Variants in DPF3 observed in about 807,000 individuals in gnomAD.
DPF3 encodes zinc finger protein DPF3.
In DPF3, 18 loss-of-function variants were observed where a neutral mutation model predicts 56.8. That is an observed-to-expected ratio of 0.32 (90% CI 0.22 to 0.47). The LOEUF (loss-of-function observed/expected upper bound fraction) is 0.47. Among genes scored for constraint, DPF3 ranks in the 20% least tolerant of loss-of-function variants. The pLI, the probability that DPF3 is intolerant of heterozygous loss-of-function variation, is 1.00. For missense variants in DPF3, 403 were observed against 488.8 expected (o/e 0.82, Z 1.65); for synonymous variants, 188 against 180.2 (o/e 1.04, Z -0.35).
At chr14:72,666,382 C>T (rs1221477168) in intron 8 of DPF3, among the ~76,000 whole-genome samples, 1 of 152,176 alleles carries the variant, frequency 6.6e-6, no homozygotes, top group Non-Finnish European at 1.5e-5. Context: ...ACCTCCTTTT[C>T]ATCCAATAAA....
At chr14:72,811,910 C>T (rs996180614) in intron 1 of DPF3, among the ~76,000 whole-genome samples, 9 of 152,010 alleles carry the variant, frequency 5.9e-5, no homozygotes, top group East Asian at 1.9e-4. Flanking sequence ...AGCCCTGGAG[C>T]GGCAGAGAGG....
At chr14:72,758,135 A>G (rs189907242) in intron 2 of DPF3, among the ~76,000 whole-genome samples, 69 of 152,342 alleles carry the variant, frequency 4.5e-4, no homozygotes, top group Admixed American at 1.1e-3. Context: ...ACAATTATAA[A>G]GTAAAATTAA....
chr14:72,759,280 GA>G (rs924217092), intron 2 of DPF3, among the ~76,000 whole-genome samples: 44 of 150,400 alleles, frequency 2.9e-4, no homozygotes, highest in Non-Finnish European at 1.8e-4. Context: ...AAACAGAAAA[GA>G]AAAAAAAATA....
At chr14:72,629,824 G>T in intron 8 of DPF3, 88 bp from the exon 9 acceptor site, 1 of 1,101,058 alleles carries the variant, frequency 9.1e-7, no homozygotes, top group Non-Finnish European at 1.3e-6. Flanking sequence ...TTGATGCCCA[G>T]TGTGCAGGCA....
rs867225371 is a variant in DPF3 at position 72,714,573 on chromosome 14, G to A, written c.526-72C>T. 2.5e-4 allele frequency: 392 copies of A among 1,558,598 alleles called. 2 individuals carry two copies. In the Middle Eastern group the frequency reaches 0.012, roughly 46 times the overall value. On this transcript the variant is annotated intron_variant, in intron 5 of 10. Transcript: ENST00000556509. ...TACAGCTCCGGAGCATGCGCTCTGC[G>A]AGCTCCTTACACCGTCTTCATCCCA...
chr14:72,750,045 T>A (rs374452007), intron 3 of DPF3, among the ~76,000 whole-genome samples: 2 of 152,316 alleles, frequency 1.3e-5, no homozygotes, highest in African/African-American at 4.8e-5. Context: ...GAGCTTCCAA[T>A]GTTTATGACT....
At chr14:72,718,979 C>G (rs1889055350) in intron 5 of DPF3, among the ~76,000 whole-genome samples, 2 of 151,490 alleles carry the variant, frequency 1.3e-5, no homozygotes, top group African/African-American at 4.9e-5. Context: ...ACACTGTTAG[C>G]CAGGATGGTC....
rs903489102 is a variant in DPF3, at chr14:72,681,937, G to A, written c.743-7569C>T. 3.3e-5 allele frequency among the ~76,000 whole-genome samples: 5 copies of A among 152,158 alleles called. No individual in the cohort carries two copies. The East Asian group carries it at 5.8e-4, about 18-fold the overall frequency. On this transcript the variant is annotated intron_variant, in intron 7 of 10. Coordinates refer to ENST00000556509, the MANE Select transcript of DPF3 (RefSeq NM_001280542.3). ...ACCAAGTAAAGCTTAGGAATGGGTCGGATATGCTGGCTCACGCCTGTAATC... is the reference window on the plus strand; with the variant it reads ...ACCAAGTAAAGCTTAGGAATGGGTCAGATATGCTGGCTCACGCCTGTAATC...
At chr14:72,836,027 C>T (rs11628597) in intron 1 of DPF3, 4 of 984,852 alleles carry the variant, frequency 4.1e-6, no homozygotes, top group Non-Finnish European at 4.8e-6. Context: ...CGTCACCACA[C>T]GGGTGCCTCG....
chr14:72,761,962 G>C (rs1891084786), intron 2 of DPF3, among the ~76,000 whole-genome samples: 1 of 151,562 alleles, frequency 6.6e-6, no homozygotes, highest in Non-Finnish European at 1.5e-5. Flanking sequence ...GTAGATAAAA[G>C]AAACAAAATC....
chr14:72,837,342 T>C (rs1426704530), intron 1 of DPF3, among the ~76,000 whole-genome samples: 1 of 152,176 alleles, frequency 6.6e-6, no homozygotes, highest in East Asian at 1.9e-4. Flanking sequence ...CATGGATCTA[T>C]AGGGAGTTTC....
chr14:72,879,841 G>A (rs1458117213), intron 1 of DPF3: 1 of 1,535,440 alleles, frequency 6.5e-7, no homozygotes, highest in Non-Finnish European at 8.7e-7. Flanking sequence ...CCAGAGATGG[G>A]CTCTTCCAGG....
intron 2 of DPF3, among the ~76,000 whole-genome samples, chr14:72,758,177 C>A (rs1276910205): frequency 1.3e-5 from 2 of 152,026 alleles, no homozygotes; most frequent in Non-Finnish European, 2.9e-5. Flanking sequence ...CCGTTTCTGA[C>A]TAAAATGGAG....
At chr14:72,700,768 A>G (rs1426696955) in intron 6 of DPF3, among the ~76,000 whole-genome samples, 2 of 152,198 alleles carry the variant, frequency 1.3e-5, no homozygotes, top group Non-Finnish European at 2.9e-5. Flanking sequence ...TCTGTGCCTC[A>G]GCATCCTCTC....
At chr14:72,741,087 TG>T (rs149216549) in intron 3 of DPF3, among the ~76,000 whole-genome samples, 5,355 of 152,232 alleles carry the variant, frequency 0.035, 219 homozygotes, top group African/African-American at 0.1. Flanking sequence ...TAAGGCAGAA[TG>T]AGTTGCCATT....
Position 72,650,226 on chromosome 14 carries a change from G to A in DPF3, c.872-20490C>T, listed in dbSNP as rs141328508. 1.5e-3 allele frequency among the ~76,000 whole-genome samples: 227 copies of A among 152,220 alleles called. 3 individuals are homozygous for A. The highest frequency in any genetic ancestry group is 0.01 in the Middle Eastern group (3 of 294). On this transcript the variant is annotated intron_variant, in intron 8 of 10. Coordinates refer to ENST00000556509, the MANE Select transcript of DPF3 (RefSeq NM_001280542.3). ...AGCCGTGGTAGCTAATCTAAGATCC[G>A]GGAATAAAGGCCCTCCCTGAATGAC... is the stretch of plus-strand genomic sequence containing the variant.
intron 1 of DPF3, among the ~76,000 whole-genome samples, chr14:72,838,756 C>CA (rs71109752): frequency 0.43 from 62,546 of 145,492 alleles, 13,646 homozygotes; most frequent in Admixed American, 0.47. Flanking sequence ...GACTCCGTCT[C>CA]AAAAAAAAAA....
At chr14:72,703,943 A>T (rs1888294262) in intron 6 of DPF3, among the ~76,000 whole-genome samples, 1 of 152,246 alleles carries the variant, frequency 6.6e-6, no homozygotes. Flanking sequence ...AAAGAAAATA[A>T]ACATTTATTG....
chr14:72,670,127 G>A, intron 8 of DPF3: 1 of 985,888 alleles, frequency 1.0e-6, no homozygotes, highest in South Asian at 4.7e-5. Flanking sequence ...AAGAAATACG[G>A]TAGCCTTGAT....
Sources: gnomAD v4.1 joint callset for allele counts (sites outside exome capture counted in the v4.1 genomes callset) on GRCh38, gnomAD v4.1.1 for gene constraint, MANE v1.5 for transcripts, NCBI Gene and HGNC (gene_info 2026-07-23, HGNC 2026-07-21) for gene names.